The following ISM1 variants were observed in gnomAD, a reference collection of about 807,000 sequenced individuals.
The protein encoded by ISM1 is isthmin-1.
Under a neutral mutation model 46.3 loss-of-function variants are expected in ISM1, and 25 were observed. That is an observed-to-expected ratio of 0.54 (90% CI 0.39 to 0.75). The LOEUF is 0.75. Ranked by LOEUF, ISM1 falls within the 30% of genes least tolerant of loss-of-function variation. The probability of loss-of-function intolerance (pLI) is 0.00; values close to 1 mark genes in which losing one functional copy is unlikely to be tolerated. For missense variants in ISM1, 536 were observed against 625.4 expected (o/e 0.86, Z 1.52); for synonymous variants, 255 against 256.7 (o/e 0.99, Z 0.06).
intron 1 of ISM1, among the ~76,000 whole-genome samples, chr20:13,249,208 C>A (rs561929442): frequency 6.6e-6 from 1 of 152,274 alleles, no homozygotes; most frequent in Admixed American, 6.5e-5. Context: ...TCCTAATGAT[C>A]TTCTGTTCTC....
At chr20:13,306,974 C>T in the ISM1 span, among the ~76,000 whole-genome samples, 1 of 152,256 alleles carries the variant, frequency 6.6e-6, no homozygotes, top group South Asian at 2.1e-4. Context: ...AGGAAAAAGA[C>T]CACATTTGAA....
At chr20:13,270,409 A>C (rs2040098097) in intron 1 of ISM1, 95 bp from the exon 2 acceptor site, 1 of 1,382,726 alleles carries the variant, frequency 7.2e-7, no homozygotes. Context: ...CAGCCACTGG[A>C]ATTGTCCTTG....
intron 1 of ISM1, among the ~76,000 whole-genome samples, chr20:13,257,902 C>T (rs942956334): frequency 2.6e-5 from 4 of 151,984 alleles, no homozygotes; most frequent in Admixed American, 2.0e-4. Flanking sequence ...CTTGTTCTAA[C>T]CAGCTCCAGG....
At chr20:13,248,618 G>A (rs944663970) in intron 1 of ISM1, among the ~76,000 whole-genome samples, 3 of 152,166 alleles carry the variant, frequency 2.0e-5, no homozygotes, top group Admixed American at 2.0e-4. Context: ...CATGTAGCTG[G>A]GGTGAAATGT....
intron 4 of ISM1, among the ~76,000 whole-genome samples, chr20:13,289,678 A>T (rs74178028): frequency 6.6e-6 from 1 of 151,610 alleles, no homozygotes. Flanking sequence ...GAGGAGGGGG[A>T]GGAGGAGGAA....
At chr20:13,289,563 T>C (rs947170951) in intron 4 of ISM1, among the ~76,000 whole-genome samples, 1 of 152,128 alleles carries the variant, frequency 6.6e-6, no homozygotes, top group East Asian at 1.9e-4. Flanking sequence ...GCTCGAGACC[T>C]GTTTTTGTGT....
chr20:13,301,292 G>A (rs933187656), downstream of ISM1, among the ~76,000 whole-genome samples: 7 of 152,074 alleles, frequency 4.6e-5, no homozygotes, highest in South Asian at 2.1e-4. Context: ...GAGTTCAAGC[G>A]ATTCTCGTGC....
chr20:13,222,981 G>C (rs949562954), intron 1 of ISM1, among the ~76,000 whole-genome samples: 2 of 152,048 alleles, frequency 1.3e-5, no homozygotes, highest in African/African-American at 2.4e-5. Flanking sequence ...TGGCCGACAT[G>C]GTGAAACCCC....
chr20:13,250,503 G>C (rs546907138), intron 1 of ISM1, among the ~76,000 whole-genome samples: 1 of 152,328 alleles, frequency 6.6e-6, no homozygotes, highest in African/African-American at 2.4e-5. Context: ...TGGCAACACA[G>C]TTAAGCATGC....
chr20:13,251,070 GT>G (rs2039863371), intron 1 of ISM1, among the ~76,000 whole-genome samples: 1 of 152,078 alleles, frequency 6.6e-6, no homozygotes, highest in African/African-American at 2.4e-5. Context: ...TACCTTAGCT[GT>G]TCTGCTCCTT....
intron 3 of ISM1, among the ~76,000 whole-genome samples, chr20:13,283,928 G>A (rs933888542): frequency 4.6e-5 from 7 of 152,108 alleles, no homozygotes; most frequent in African/African-American, 4.8e-5. Flanking sequence ...CCAGAGCAAC[G>A]TGGGCCAGAA....
chr20:13,245,914 C>T (rs914382672), intron 1 of ISM1, among the ~76,000 whole-genome samples: 5 of 152,138 alleles, frequency 3.3e-5, no homozygotes, highest in South Asian at 2.1e-4. Context: ...TCCTTGTACC[C>T]GCCCACTCCG....
At chr20:13,243,684 A>G (rs1253829120) in intron 1 of ISM1, among the ~76,000 whole-genome samples, 1 of 152,202 alleles carries the variant, frequency 6.6e-6, no homozygotes, top group Non-Finnish European at 1.5e-5. Flanking sequence ...CTAATGCCAA[A>G]ACCTAGGGAA....
intron 1 of ISM1, among the ~76,000 whole-genome samples, chr20:13,265,418 G>C (rs2040032213): frequency 6.6e-6 from 1 of 152,180 alleles, no homozygotes; most frequent in African/African-American, 2.4e-5. Flanking sequence ...TATGGATTTT[G>C]ATAGATTCAG....
At chr20:13,274,512 G>A (rs2040153035) in intron 2 of ISM1, among the ~76,000 whole-genome samples, 1 of 152,154 alleles carries the variant, frequency 6.6e-6, no homozygotes, top group African/African-American at 2.4e-5. Context: ...GGAGCTGAAT[G>A]GGAACTTGAT....
downstream of ISM1, among the ~76,000 whole-genome samples, chr20:13,304,592 G>A (rs971948740): frequency 1.3e-5 from 2 of 152,078 alleles, no homozygotes; most frequent in East Asian, 1.9e-4. Context: ...TTCCATCATC[G>A]TGGAGCCCAG....
At chr20:13,323,337 C>T in the ISM1 span, among the ~76,000 whole-genome samples, 7 of 152,020 alleles carry the variant, frequency 4.6e-5, no homozygotes, top group South Asian at 2.1e-4. Flanking sequence ...ATGACTCAGG[C>T]GGAGCAAGGC....
At chr20:13,291,774 C>T (rs1279309270) in intron 4 of ISM1, among the ~76,000 whole-genome samples, 2 of 152,174 alleles carry the variant, frequency 1.3e-5, no homozygotes, top group Non-Finnish European at 2.9e-5. Flanking sequence ...GTAGCATCCT[C>T]AGTGAGCTAG....
intron 2 of ISM1, among the ~76,000 whole-genome samples, chr20:13,277,637 C>A (rs562297612): frequency 7.3e-6 from 1 of 137,164 alleles, no homozygotes; most frequent in African/African-American, 3.1e-5. Context: ...TTTCTTCCCC[C>A]CTACCCTTTT....
Sources: allele counts gnomAD v4.1 joint callset (sites outside exome capture counted in the v4.1 genomes callset), GRCh38; gene constraint gnomAD v4.1.1; transcripts MANE v1.5; gene names NCBI Gene and HGNC (gene_info 2026-07-23, HGNC 2026-07-21).